Variants in SHC4 observed in about 807,000 individuals in gnomAD.
The protein encoded by SHC4 is SHC adaptor protein 4, also known as SHC-transforming protein 4.
SHC4 carries 41 observed loss-of-function variants against 69.4 expected under a neutral mutation model. The ratio of observed to expected loss-of-function variants is 0.59; its 90% CI spans 0.46 to 0.77. SHC4 has a LOEUF of 0.77. SHC4 is among the 30% of genes least tolerant of loss of function. The probability of loss-of-function intolerance (pLI) is 0.00; values close to 1 mark genes in which losing one functional copy is unlikely to be tolerated. For synonymous variants in SHC4, 318 were observed against 299.3 expected (o/e 1.06, Z -0.64); for missense variants, 777 against 783.8 (o/e 0.99, Z 0.10).
intron 2 of SHC4, among the ~76,000 whole-genome samples, chr15:48,894,553 T>C (rs1046825495): frequency 2.0e-5 from 3 of 152,164 alleles, no homozygotes; most frequent in African/African-American, 7.2e-5. Flanking sequence ...TCTTTATTTC[T>C]CTCTCTGCTC....
intron 2 of SHC4, 114 bp downstream of exon 2, chr15:48,924,765 C>T (rs186615878): frequency 3.0e-5 from 32 of 1,067,064 alleles, no homozygotes; most frequent in Middle Eastern, 2.0e-4. Context: ...ACACTCCAGT[C>T]GCGTGAATAA....
intron 1 of SHC4, among the ~76,000 whole-genome samples, chr15:48,952,921 T>C (rs1453183452): frequency 3.3e-5 from 5 of 152,216 alleles, no homozygotes; most frequent in Non-Finnish European, 7.3e-5. Flanking sequence ...ACTGGGTATA[T>C]ACCCAAAGGA....
At chr15:48,931,131 C>T (rs565764319) in intron 1 of SHC4, among the ~76,000 whole-genome samples, 19 of 152,290 alleles carry the variant, frequency 1.2e-4, no homozygotes, top group African/African-American at 3.9e-4. Flanking sequence ...TCTGACTATT[C>T]GTTCTCAGTC....
rs772348298 is a variant in SHC4, at chr15:48,963,035, C to G, written c.-20G>C. ...TCGCATAGCCTTGGCAGTGCTGAAA[C>G]AGGATACTGTTGCATAAATCGCCTC... On this transcript the variant is annotated 5_prime_UTR_variant, in exon 1 of 12. Transcript: ENST00000332408. The G allele has an allele frequency of 6.3e-7, 1 of 1,587,476 alleles. No individual in the cohort carries two copies. Among genetic ancestry groups the G allele is most frequent in the Non-Finnish European group, 8.6e-7 (1 of 1,165,826 alleles).
intron 6 of SHC4, among the ~76,000 whole-genome samples, chr15:48,860,814 C>T (rs1220502334): frequency 6.6e-6 from 1 of 152,216 alleles, no homozygotes; most frequent in Non-Finnish European, 1.5e-5. Context: ...GAACAAGTCA[C>T]TTTATGGCAA....
At chr15:48,931,739 G>A (rs1180787042) in intron 1 of SHC4, among the ~76,000 whole-genome samples, 1 of 152,078 alleles carries the variant, frequency 6.6e-6, no homozygotes, top group African/African-American at 2.4e-5. Context: ...CAGAAAGCGA[G>A]AGATTAGCCC....
At chr15:48,887,764 T>C (rs1379444949) in intron 3 of SHC4, among the ~76,000 whole-genome samples, 2 of 151,992 alleles carry the variant, frequency 1.3e-5, no homozygotes, top group Admixed American at 6.6e-5. Context: ...CTAGATGAAC[T>C]AAGGCAAAAA....
intron 1 of SHC4, among the ~76,000 whole-genome samples, chr15:48,953,525 G>C (rs1901398530): frequency 6.6e-6 from 1 of 152,230 alleles, no homozygotes; most frequent in East Asian, 1.9e-4. Flanking sequence ...GCCAGACAAT[G>C]GGCCTCTCTT....
At chr15:48,927,278 T>C (rs570388853) in intron 1 of SHC4, among the ~76,000 whole-genome samples, 13 of 152,274 alleles carry the variant, frequency 8.5e-5, no homozygotes, top group African/African-American at 2.9e-4. Context: ...TGCGTCCCTA[T>C]ATCCTGCAGT....
At chr15:48,869,176 T>C (rs1306866994) in intron 5 of SHC4, among the ~76,000 whole-genome samples, 2 of 152,236 alleles carry the variant, frequency 1.3e-5, no homozygotes, top group Admixed American at 6.5e-5. Flanking sequence ...ATGTATTTAA[T>C]TTTTGACATA....
chr15:48,936,401 G>T (rs77718982), intron 1 of SHC4, among the ~76,000 whole-genome samples: 2 of 152,276 alleles, frequency 1.3e-5, no homozygotes, highest in East Asian at 3.9e-4. Context: ...CAAAAGGCAG[G>T]GTTGTGAAGT....
chr15:48,899,582 G>GT lies in SHC4; in HGVS notation c.657-8772dup, dbSNP rs559443244. 1.9e-3 allele frequency among the ~76,000 whole-genome samples: 282 copies of GT among 147,062 alleles called. 2 individuals are homozygous for GT. Among genetic ancestry groups the GT allele is most frequent in the East Asian group, 9.7e-3 (49 of 5,066 alleles). On this transcript the variant is annotated intron_variant, in intron 2 of 11. Transcript: ENST00000332408. ...TAATGAATATATTACTTCTACCACT[G>GT]TTTTTTTTTTTAAATAACTCTGGTT...
At chr15:48,901,278 C>T (rs1272757140) in intron 2 of SHC4, among the ~76,000 whole-genome samples, 3 of 152,098 alleles carry the variant, frequency 2.0e-5, no homozygotes, top group South Asian at 2.1e-4. Flanking sequence ...GCTTTGGGGT[C>T]GTGGTCAGTT....
intron 4 of SHC4, among the ~76,000 whole-genome samples, chr15:48,875,545 G>A (rs1425053839): frequency 1.3e-5 from 2 of 152,212 alleles, no homozygotes; most frequent in East Asian, 1.9e-4. Context: ...AAATATCAGA[G>A]GATAATGAGG....
At chr15:48,898,823 A>G (rs1361632888) in intron 2 of SHC4, among the ~76,000 whole-genome samples, 1 of 152,250 alleles carries the variant, frequency 6.6e-6, no homozygotes, top group Non-Finnish European at 1.5e-5. Context: ...TATAGGCTTT[A>G]TAAGTGGTTA....
chr15:48,871,600 T>C (rs1899679303), intron 5 of SHC4, among the ~76,000 whole-genome samples: 1 of 152,176 alleles, frequency 6.6e-6, no homozygotes, highest in Non-Finnish European at 1.5e-5. Flanking sequence ...AAGTTCTCTC[T>C]CCCCAGCTCA....
chr15:48,862,857 A>C, intron 6 of SHC4, among the ~76,000 whole-genome samples: 2 of 150,430 alleles, frequency 1.3e-5, no homozygotes, highest in African/African-American at 2.5e-5. Flanking sequence ...TCCCCTGACT[A>C]CTCCTTAGGC....
At chr15:48,916,921 C>T (rs1900633661) in intron 2 of SHC4, among the ~76,000 whole-genome samples, 1 of 152,130 alleles carries the variant, frequency 6.6e-6, no homozygotes, top group Non-Finnish European at 1.5e-5. Context: ...TCTGGAGGTC[C>T]CTTCTGCCAA....
intron 10 of SHC4, among the ~76,000 whole-genome samples, chr15:48,837,475 T>C (rs904460538): frequency 6.6e-6 from 1 of 152,210 alleles, no homozygotes; most frequent in Admixed American, 6.5e-5. Flanking sequence ...AACACTGTGG[T>C]ACATTATCTA....
Sources: gnomAD v4.1 joint callset for allele counts (sites outside exome capture counted in the v4.1 genomes callset) on GRCh38, gnomAD v4.1.1 for gene constraint, MANE v1.5 for transcripts, NCBI Gene and HGNC (gene_info 2026-07-23, HGNC 2026-07-21) for gene names.